RGL1: variants seen among roughly 807,000 people sequenced by gnomAD.
RGL1 encodes the protein ral guanine nucleotide dissociation stimulator-like 1.
In RGL1, 24 loss-of-function variants were observed where a neutral mutation model predicts 95.2. That is an observed-to-expected ratio of 0.25 (90% confidence interval 0.18 to 0.35). The LOEUF (loss-of-function observed/expected upper bound fraction) is 0.35, where lower values mean the gene tolerates loss of function less well. Among genes scored for constraint, RGL1 ranks in the 10% least tolerant of loss-of-function variants. The pLI is 1.00. For missense variants in RGL1, 715 were observed against 936.3 expected (o/e 0.76, Z 3.08); for synonymous variants, 329 against 344.9 (o/e 0.95, Z 0.51).
Position 183,686,432 on chromosome 1 carries a change from G to GTT in RGL1, c.-33+49938_-33+49939dup, listed in dbSNP as rs35415872. Among the ~76,000 whole-genome samples the GTT allele has an allele frequency of 2.8e-4, 43 of 151,770 alleles. No homozygotes were observed. The East Asian group carries it at 5.6e-3, about 20-fold the overall frequency. On this transcript the variant is annotated intron_variant, in intron 1 of 18. Coordinates refer to the RGL1 transcript ENST00000304685. ...CTTCCAGAAAATTTGCTGACAATAT[G>GTT]TTTTTTTTGTCTGCTAAGATAACTG...
chr1:183,864,874 T>C (rs1447028747), intron 3 of RGL1, among the ~76,000 whole-genome samples: 1 of 152,194 alleles, frequency 6.6e-6, no homozygotes, highest in Non-Finnish European at 1.5e-5. Flanking sequence ...AACCAGATGG[T>C]GGGCTTTTAT....
At chr1:183,892,843 A>G (rs1481726840) in intron 9 of RGL1, among the ~76,000 whole-genome samples, 1 of 152,254 alleles carries the variant, frequency 6.6e-6, no homozygotes, top group Non-Finnish European at 1.5e-5. Context: ...GTGAACAACC[A>G]TCAGAGGGGA....
At chr1:183,880,868 G>T in intron 5 of RGL1, 68 bp downstream of exon 5, 2 of 1,444,574 alleles carry the variant, frequency 1.4e-6, no homozygotes, top group Non-Finnish European at 1.9e-6. Context: ...CTGGAGAAAG[G>T]TTCTCCCTGT....
At chr1:183,714,091 A>T (rs1014652914) in intron 1 of RGL1, among the ~76,000 whole-genome samples, 2 of 152,242 alleles carry the variant, frequency 1.3e-5, no homozygotes, top group Non-Finnish European at 2.9e-5. Flanking sequence ...CTGTGAAATC[A>T]CTACCCAAAG....
chr1:183,727,912 G>A (rs1168952832), intron 1 of RGL1, among the ~76,000 whole-genome samples: 1 of 152,150 alleles, frequency 6.6e-6, no homozygotes, highest in Admixed American at 6.6e-5. Flanking sequence ...GCTATAGGGG[G>A]CCCAGGTGTT....
At chr1:183,848,454 G>C (rs1286181858) in intron 3 of RGL1, among the ~76,000 whole-genome samples, 1 of 152,156 alleles carries the variant, frequency 6.6e-6, no homozygotes, top group Non-Finnish European at 1.5e-5. Context: ...AAAGCTGTCA[G>C]CCAAACAATT....
At chr1:183,658,788 T>C (rs1253881078) in intron 1 of RGL1, among the ~76,000 whole-genome samples, 2 of 151,968 alleles carry the variant, frequency 1.3e-5, no homozygotes, top group East Asian at 3.9e-4. Context: ...GACCCCCGAG[T>C]AGCCTAACTG....
At chr1:183,716,964 T>C (rs1655659312) in intron 1 of RGL1, among the ~76,000 whole-genome samples, 2 of 152,200 alleles carry the variant, frequency 1.3e-5, no homozygotes. Context: ...GGGGGCTCTT[T>C]TGATCCTGTA....
At chr1:183,792,176 T>TG (rs1293613868) in intron 2 of RGL1, among the ~76,000 whole-genome samples, 4 of 151,854 alleles carry the variant, frequency 2.6e-5, no homozygotes, top group African/African-American at 9.7e-5. Flanking sequence ...GGGGTTTTTT[T>TG]TTTGTTTGTT....
intron 1 of RGL1, among the ~76,000 whole-genome samples, chr1:183,698,214 A>G (rs1026119065): frequency 1.3e-5 from 2 of 152,252 alleles, no homozygotes; most frequent in Non-Finnish European, 2.9e-5. Flanking sequence ...TTTGTTAAAC[A>G]TTGACCAGCA....
rs368424668 is a variant in RGL1, at chr1:183,916,654, C to T, written c.1957C>T (p.Arg653Cys). Residue 653 changes from arginine to cysteine, a missense_variant, in exon 16 of 18, where the codon CGC becomes TGC. Arg to Cys is a radical substitution (Grantham distance 180, BLOSUM62 -3). Around this residue, in one of 3 missense-constraint regions of RGL1, gnomAD observed 330 missense variants for 429.6 expected, o/e 0.77. Coordinates refer to ENST00000360851, the MANE Select transcript of RGL1 (RefSeq NM_001297671.3). ...NQQNEDTCII[R>C]ISVEDNNGNM... is the part of the protein sequence containing the mutation. The stretch of plus-strand genomic sequence containing the variant: ...ACAGAATGAAGACACCTGCATAATC[C>T]GCATCAGTGTGGAAGACAATAACGG... 7 of 1,613,836 alleles carry T rather than the reference C, an allele frequency of 4.3e-6. No individual in the cohort carries two copies. Among genetic ancestry groups the T allele is most frequent in the East Asian group, 4.5e-5 (2 of 44,874 alleles).
At chr1:183,886,840 G>C (rs1265801490) in intron 7 of RGL1, among the ~76,000 whole-genome samples, 1 of 151,988 alleles carries the variant, frequency 6.6e-6, no homozygotes. Context: ...GACCTAATAT[G>C]ACTATATTTT....
chr1:183,639,865 A>G (rs746784894), intron 1 of RGL1, among the ~76,000 whole-genome samples: 4 of 151,010 alleles, frequency 2.6e-5, no homozygotes, highest in Non-Finnish European at 4.4e-5. Context: ...TTTTTTTGAG[A>G]CAGAGTCTCA....
chr1:183,752,100 C>A (rs2102284080), intron 2 of RGL1, among the ~76,000 whole-genome samples: 1 of 152,252 alleles, frequency 6.6e-6, no homozygotes, highest in East Asian at 1.9e-4. Flanking sequence ...TTGATATGTG[C>A]AAGTTCTCTT....
chr1:183,853,762 T>C (rs1664970958), intron 3 of RGL1, among the ~76,000 whole-genome samples: 1 of 152,108 alleles, frequency 6.6e-6, no homozygotes, highest in Admixed American at 6.5e-5. Context: ...AACCTACTCC[T>C]TTCTGACTTG....
intron 1 of RGL1, among the ~76,000 whole-genome samples, chr1:183,713,850 T>C (rs1219661400): frequency 6.6e-6 from 1 of 152,214 alleles, no homozygotes; most frequent in Non-Finnish European, 1.5e-5. Flanking sequence ...TTGCATATTT[T>C]ATTCACCGCT....
chr1:183,865,848 T>A (rs936833261), intron 3 of RGL1, 148 bp from the exon 4 acceptor site: 8 of 619,220 alleles, frequency 1.3e-5, no homozygotes, highest in Non-Finnish European at 2.3e-5. Context: ...TCAATAATAC[T>A]GCATCATTTT....
intron 1 of RGL1, among the ~76,000 whole-genome samples, chr1:183,695,788 T>C (rs150272285): frequency 1.3e-5 from 2 of 152,338 alleles, no homozygotes; most frequent in African/African-American, 4.8e-5. Context: ...CGAAGCTATT[T>C]ATGAACACAA....
intron 2 of RGL1, among the ~76,000 whole-genome samples, chr1:183,787,503 A>G (rs1660236910): frequency 6.6e-6 from 1 of 152,222 alleles, no homozygotes; most frequent in Non-Finnish European, 1.5e-5. Context: ...AGGCCTTTCC[A>G]TCCAGCCTGT....
Sources: gnomAD v4.1 joint callset for allele counts (sites outside exome capture counted in the v4.1 genomes callset) on GRCh38, gnomAD v4.1.1 for gene constraint, gnomAD v4.1.1 regional missense constraint, MANE v1.5 for transcripts, NCBI Gene and HGNC (gene_info 2026-07-23, HGNC 2026-07-21) for gene names.